Variants in GRIK2 observed in about 807,000 individuals in gnomAD.
GRIK2 encodes the protein glutamate receptor ionotropic, kainate 2.
GRIK2 carries 32 observed loss-of-function variants against 100.3 expected under a neutral mutation model. The ratio of observed to expected loss-of-function variants is 0.32; its 90% CI spans 0.24 to 0.43. The LOEUF is 0.43. Ranked by LOEUF, GRIK2 falls within the 20% of genes least tolerant of loss-of-function variation. The pLI is 1.00. For missense variants in GRIK2, 843 were observed against 1,114.9 expected (o/e 0.76, Z 3.47); for synonymous variants, 417 against 389.4 (o/e 1.07, Z -0.83).
intron 2 of GRIK2, among the ~76,000 whole-genome samples, chr6:101,436,681 T>C (rs1769737813): frequency 6.6e-6 from 1 of 151,934 alleles, no homozygotes; most frequent in Non-Finnish European, 1.5e-5. Flanking sequence ...TGTATAAATC[T>C]TTTGTAGAAC....
At chr6:101,958,253 T>TTGTGTGTGTGTGTG (rs1554292720) in intron 14 of GRIK2, among the ~76,000 whole-genome samples, 2,568 of 139,448 alleles carry the variant, frequency 0.018, 46 homozygotes, top group African/African-American at 0.027. Flanking sequence ...TGCTACATAT[T>TTGTGTGTGTGTGTG]TGTGTGTGTG....
chr6:101,832,563 A>G (rs1782771938), intron 10 of GRIK2, among the ~76,000 whole-genome samples: 1 of 152,110 alleles, frequency 6.6e-6, no homozygotes, highest in Non-Finnish European at 1.5e-5. Context: ...GTGGCCTGGC[A>G]CTCCTATGCC....
At chr6:101,475,198 A>G (rs1166262987) in intron 2 of GRIK2, among the ~76,000 whole-genome samples, 2 of 151,912 alleles carry the variant, frequency 1.3e-5, no homozygotes, top group African/African-American at 2.4e-5. Flanking sequence ...ACACGTTTAG[A>G]GAAGGTGTAT....
chr6:101,671,283 C>T (rs1433132872), intron 4 of GRIK2, among the ~76,000 whole-genome samples: 1 of 151,522 alleles, frequency 6.6e-6, no homozygotes. Flanking sequence ...ACCATATTAG[C>T]AATAAAAATT....
chr6:101,444,088 T>C (rs576433378), intron 2 of GRIK2, among the ~76,000 whole-genome samples: 5 of 151,868 alleles, frequency 3.3e-5, no homozygotes, highest in Non-Finnish European at 7.4e-5. Flanking sequence ...TTTGTTTGTT[T>C]GTTTGTTTGT....
At chr6:101,890,976 CATATATATATATATAT>C (rs61125711) in intron 12 of GRIK2, among the ~76,000 whole-genome samples, 1 of 146,748 alleles carries the variant, frequency 6.8e-6, no homozygotes, top group South Asian at 2.2e-4. Context: ...ATAAAGTGTA[CATATATATATATATAT>C]ATATATATAT....
chr6:101,463,680 G>A (rs1771463640), intron 2 of GRIK2, among the ~76,000 whole-genome samples: 1 of 152,046 alleles, frequency 6.6e-6, no homozygotes, highest in East Asian at 1.9e-4. Context: ...CCTCCAAGAC[G>A]TTGCCTCTAT....
At chr6:101,471,496 T>G (rs576088523) in intron 2 of GRIK2, among the ~76,000 whole-genome samples, 1 of 152,136 alleles carries the variant, frequency 6.6e-6, no homozygotes, top group South Asian at 2.1e-4. Context: ...TGGAATCTAA[T>G]TATTTACAGG....
intron 2 of GRIK2, among the ~76,000 whole-genome samples, chr6:101,404,022 C>T (rs1378641468): frequency 6.6e-6 from 1 of 152,174 alleles, no homozygotes; most frequent in Non-Finnish European, 1.5e-5. Flanking sequence ...GAAAAATGAT[C>T]TTTTTGTCTT....
intron 2 of GRIK2, among the ~76,000 whole-genome samples, chr6:101,414,327 A>G (rs747696955): frequency 6.6e-6 from 1 of 152,204 alleles, no homozygotes; most frequent in Non-Finnish European, 1.5e-5. Flanking sequence ...ACCCTCAACT[A>G]GACCTCTAGT....
At chr6:101,786,656 T>C (rs1416446158) in intron 7 of GRIK2, among the ~76,000 whole-genome samples, 1 of 152,108 alleles carries the variant, frequency 6.6e-6, no homozygotes, top group Non-Finnish European at 1.5e-5. Flanking sequence ...GATCATGTTG[T>C]AGTACCTTTT....
intron 4 of GRIK2, among the ~76,000 whole-genome samples, chr6:101,661,448 C>T (rs1306829387): frequency 1.3e-5 from 2 of 152,062 alleles, no homozygotes; most frequent in Non-Finnish European, 2.9e-5. Flanking sequence ...GACCACTTGG[C>T]TCCCTGACTT....
chr6:101,578,072 T>A (rs1372868407), intron 2 of GRIK2, among the ~76,000 whole-genome samples: 1 of 152,200 alleles, frequency 6.6e-6, no homozygotes, highest in African/African-American at 2.4e-5. Context: ...GAATGAGACT[T>A]GCGTCTTGAT....
At chr6:101,975,675 G>A (rs1483025026) in intron 14 of GRIK2, among the ~76,000 whole-genome samples, 2 of 151,670 alleles carry the variant, frequency 1.3e-5, no homozygotes, top group African/African-American at 2.4e-5. Context: ...CCTAAGAGTG[G>A]AAAAAGACCT....
intron 14 of GRIK2, among the ~76,000 whole-genome samples, chr6:102,009,561 A>G (rs2114305885): frequency 6.6e-6 from 1 of 152,272 alleles, no homozygotes; most frequent in Middle Eastern, 3.4e-3. Flanking sequence ...AAGGGAAGTA[A>G]TAGACTGACA....
rs1398936109 is a variant in GRIK2 at position 101,985,201 on chromosome 6, G to A, written c.2086-50140G>A. ...TTAAAATTCAATGAAAAAAAAGTAGGCCAAAGAAAACACTTCTATAAATTA... is the reference window on the plus strand; with the variant it reads ...TTAAAATTCAATGAAAAAAAAGTAGACCAAAGAAAACACTTCTATAAATTA... On this transcript the variant is annotated intron_variant, in intron 14 of 16. Coordinates refer to ENST00000369134, the MANE Select transcript of GRIK2 (RefSeq NM_021956.5). Among the ~76,000 whole-genome samples, 4 of 151,580 alleles carry A rather than the reference G, an allele frequency of 2.6e-5. No homozygotes were observed. In the South Asian group the frequency reaches 8.3e-4, roughly 31 times the overall value.
chr6:101,758,916 A>G (rs1777308505), intron 7 of GRIK2, among the ~76,000 whole-genome samples: 1 of 152,314 alleles, frequency 6.6e-6, no homozygotes, highest in East Asian at 1.9e-4. Context: ...TTTAATTTCA[A>G]AAGAGTAAAA....
At chr6:101,404,090 T>G (rs962672444) in intron 2 of GRIK2, among the ~76,000 whole-genome samples, 4 of 152,218 alleles carry the variant, frequency 2.6e-5, no homozygotes, top group Admixed American at 6.5e-5. Flanking sequence ...TTTTCTGGCT[T>G]TGTGAGATTG....
intron 7 of GRIK2, among the ~76,000 whole-genome samples, chr6:101,723,263 T>A (rs79887063): frequency 0.064 from 9,718 of 151,974 alleles, 429 homozygotes; most frequent in South Asian, 0.17. Context: ...AAAAAATAAA[T>A]CTATATAAAC....
Sources: allele counts gnomAD v4.1 joint callset (sites outside exome capture counted in the v4.1 genomes callset), GRCh38; gene constraint gnomAD v4.1.1; transcripts MANE v1.5; gene names NCBI Gene and HGNC (gene_info 2026-07-23, HGNC 2026-07-21).